TINCR: variants seen among roughly 807,000 people sequenced by gnomAD.
TINCR encodes TINCR-encoded ubiquitin-like protein.
At position 5,565,784 on chromosome 19, in the gene TINCR, G is replaced by A. The variant is rs1036382807; in HGVS notation, c.260+1881C>T. On this transcript the variant is annotated intron_variant, in intron 1 of 1. Transcript: ENST00000646160. This position sits in a 1 kb window ranked among gnomAD's most constrained non-coding sequence, Gnocchi z 4.0. ...GCCCTCAAAACATCAACCCAGGCTC[G>A]GTGACTCAAGCCTCTAGAGGGCTGG... Among the ~76,000 whole-genome samples the A allele has an allele frequency of 5.3e-5, 8 of 152,230 alleles. No homozygotes were observed. The highest frequency in any genetic ancestry group is 1.7e-4 in the African/African-American group (7 of 41,530).
rs2052122302 is a variant in TINCR at position 5,565,209 on chromosome 19, G to A, written c.261-2260C>T. ...CCTCGCTGTTCCTCCAACATGCCAG[G>A]TGCAGTCCTGCCTCAGGGCCTTTGC... On this transcript the variant is annotated intron_variant, in intron 1 of 1. Coordinates refer to ENST00000646160, the Ensembl canonical transcript of TINCR. The surrounding 1 kb of genome is among the most constrained non-coding windows in gnomAD (Gnocchi z 4.0). Among the ~76,000 whole-genome samples the A allele has an allele frequency of 6.6e-6, 1 of 152,072 alleles. No homozygotes were observed. The highest frequency in any genetic ancestry group is 6.6e-5 in the Admixed American group (1 of 15,264).
At chr19:5,562,306 G>C (rs1372694808), downstream of TINCR, 1 of 152,666 alleles carries the variant, frequency 6.6e-6, no homozygotes, top group Non-Finnish European at 1.5e-5. This position sits in a 1 kb window ranked among gnomAD's most constrained non-coding sequence, Gnocchi z 4.4. Context: ...TGTCTGGCTG[G>C]TGCCTCTTCC....
exon 1 of TINCR, chr19:5,567,795 G>T: frequency 2.5e-6 from 1 of 394,386 alleles, no homozygotes. Context: ...TGGCCCACCA[G>T]CTGGGCGCGC....
intron 1 of TINCR, 36 bp downstream of exon 1, chr19:5,567,629 G>GTGCCCCCCCCCCCCCCCCCCCCCCC: frequency 5.5e-6 from 1 of 181,986 alleles, no homozygotes; most frequent in Non-Finnish European, 1.1e-5. Context: ...CCCGGCCGCC[G>GTGCCCCCCCCCCCCCCCCCCCCCCC]CCCCCGCCCC....
chr19:5,566,637 G>T (rs1296484193), intron 1 of TINCR, among the ~76,000 whole-genome samples: 5 of 148,586 alleles, frequency 3.4e-5, no homozygotes, highest in Admixed American at 3.3e-4. Flanking sequence ...TGGACAAAGA[G>T]ACAGAGAGAC....
intron 1 of TINCR, 39 bp downstream of exon 1, chr19:5,567,626 G>GCCTCCCCCCCCCCC: frequency 9.9e-6 from 2 of 202,442 alleles, no homozygotes; most frequent in Non-Finnish European, 2.0e-5. Flanking sequence ...GTCCCCGGCC[G>GCCTCCCCCCCCCCC]CCGCCCCCGC....
rs2052114564 is a variant in TINCR, at chr19:5,563,943, A to G, written c.261-994T>C. Among the ~76,000 whole-genome samples the G allele has an allele frequency of 6.6e-6, 1 of 152,096 alleles. No individual in the cohort carries two copies. The highest frequency in any genetic ancestry group is 2.4e-5 in the African/African-American group (1 of 41,426). ...AAATAATAAATAATAAATAAATAAAAGCATCCTCGCCAGGGGACAGCGGTA... is the reference window on the plus strand; with the variant it reads ...AAATAATAAATAATAAATAAATAAAGGCATCCTCGCCAGGGGACAGCGGTA... On this transcript the variant is annotated intron_variant, in intron 1 of 1. Transcript: ENST00000646160. The surrounding 1 kb of genome is among the most constrained non-coding windows in gnomAD (Gnocchi z 4.7).
At chr19:5,567,920 T>C (rs1387920999) in exon 1 of TINCR, 2 of 383,588 alleles carry the variant, frequency 5.2e-6, no homozygotes, top group Non-Finnish European at 9.2e-6. Flanking sequence ...CCGCAGCCCC[T>C]CCATGGCGCC....
chr19:5,567,626 G>GCCTCCCCCCCCCC, intron 1 of TINCR, 39 bp downstream of exon 1: 9 of 202,438 alleles, frequency 4.4e-5, no homozygotes, highest in Non-Finnish European at 5.9e-5. Context: ...GTCCCCGGCC[G>GCCTCCCCCCCCCC]CCGCCCCCGC....
intron 1 of TINCR, 42 bp downstream of exon 1, chr19:5,567,623 G>GCCCCCCCCCC: frequency 3.0e-6 from 1 of 328,348 alleles, no homozygotes; most frequent in Non-Finnish European, 5.5e-6. Flanking sequence ...GGGGTCCCCG[G>GCCCCCCCCCC]CCGCCGCCCC....
downstream of TINCR, chr19:5,562,282 C>T (rs1323325835): frequency 1.3e-5 from 2 of 152,702 alleles, no homozygotes; most frequent in African/African-American, 4.8e-5. This position sits in a 1 kb window ranked among gnomAD's most constrained non-coding sequence, Gnocchi z 4.4. Flanking sequence ...TCAAGGCTTC[C>T]CTATTCTGCC....
At chr19:5,564,867 T>C (rs949945259) in intron 1 of TINCR, among the ~76,000 whole-genome samples, 2 of 152,144 alleles carry the variant, frequency 1.3e-5, no homozygotes, top group African/African-American at 4.8e-5. Flanking sequence ...TGTGAACCAT[T>C]GCGCCCAGCC....
Position 5,563,784 on chromosome 19 carries a change from G to A in TINCR, c.261-835C>T, listed in dbSNP as rs567561394. Among the ~76,000 whole-genome samples, 2 of 152,166 alleles carry A rather than the reference G, an allele frequency of 1.3e-5. No homozygotes were observed. The highest frequency in any genetic ancestry group is 2.1e-4 in the South Asian group (1 of 4,800). ...AAAAAAATTAGCCAGGCATGGTGGC[G>A]GGCGCCTGTAATCCCAGCTACTCAG... is the stretch of plus-strand genomic sequence containing the variant. On this transcript the variant is annotated intron_variant, in intron 1 of 1. Coordinates refer to ENST00000646160, the Ensembl canonical transcript of TINCR. This position sits in a 1 kb window ranked among gnomAD's most constrained non-coding sequence, Gnocchi z 4.7.
chr19:5,559,835 T>C (rs2145284440), downstream of TINCR: 1 of 152,322 alleles, frequency 6.6e-6, no homozygotes, highest in Non-Finnish European at 1.5e-5. Flanking sequence ...GGCCCAGCTG[T>C]TAGCAGAGGC....
At chr19:5,559,529 G>C (rs1327143801), downstream of TINCR, 7 of 152,114 alleles carry the variant, frequency 4.6e-5, no homozygotes, top group African/African-American at 1.7e-4. Flanking sequence ...TAGAGACGGG[G>C]TTTCACCGTG....
chr19:5,559,131 T>A (rs2052086867), downstream of TINCR: 1 of 152,172 alleles, frequency 6.6e-6, no homozygotes, highest in Non-Finnish European at 1.5e-5. Context: ...TGCATACTGT[T>A]TGTTAAATGT....
downstream of TINCR, chr19:5,560,733 CA>C (rs2052097283): frequency 6.6e-6 from 1 of 152,344 alleles, no homozygotes; most frequent in African/African-American, 2.4e-5. The surrounding 1 kb of genome is among the most constrained non-coding windows in gnomAD (Gnocchi z 4.5). Flanking sequence ...GGAAACAGCC[CA>C]GGGGGTGGGC....
downstream of TINCR, chr19:5,561,149 C>G (rs1323170267): frequency 6.5e-6 from 1 of 153,936 alleles, no homozygotes; most frequent in Non-Finnish European, 1.5e-5. Flanking sequence ...CCTCTGGCTG[C>G]CCATGGGAGC....
rs557939525 is a variant in TINCR, at chr19:5,567,043, G to T, written c.260+622C>A. Among the ~76,000 whole-genome samples, 5 of 151,802 alleles carry T rather than the reference G, an allele frequency of 3.3e-5. No individual in the cohort carries two copies. In the South Asian group the frequency reaches 1.0e-3, roughly 32 times the overall value. ...AGGCAGAGATGGAGAGAGACACACAGAGAGGAAAAAACAGAGACCAAAATG... is the reference window on the plus strand; with the variant it reads ...AGGCAGAGATGGAGAGAGACACACATAGAGGAAAAAACAGAGACCAAAATG... On this transcript the variant is annotated intron_variant, in intron 1 of 1. Transcript: ENST00000646160.
Sources: gnomAD v4.1 joint callset for allele counts (sites outside exome capture counted in the v4.1 genomes callset) on GRCh38, gnomAD v4.1.1 for gene constraint, Gnocchi (gnomAD v3.1) non-coding constraint, MANE v1.5 for transcripts, NCBI Gene and HGNC (gene_info 2026-07-23, HGNC 2026-07-21) for gene names.